FSTL5: variants seen among roughly 807,000 people sequenced by gnomAD.
FSTL5 encodes the protein follistatin like 5, also known as follistatin-related protein 5.
FSTL5 carries 62 observed loss-of-function variants against 89.1 expected under a neutral mutation model. That is an observed-to-expected ratio of 0.70 (90% CI 0.57 to 0.86). FSTL5 has a LOEUF of 0.86. Ranked by LOEUF, FSTL5 falls within the 40% of genes least tolerant of loss-of-function variation. FSTL5 has a pLI of 0.00. For synonymous variants in FSTL5, 383 were observed against 346.2 expected (o/e 1.11, Z -1.18); for missense variants, 1,057 against 1,001.6 (o/e 1.06, Z -0.75).
chr4:161,624,561 T>A (rs1356002030), intron 7 of FSTL5, among the ~76,000 whole-genome samples: 6 of 151,962 alleles, frequency 3.9e-5, no homozygotes, highest in East Asian at 1.9e-4. Flanking sequence ...GTACATTTTT[T>A]AATTATAATA....
At position 162,019,437 on chromosome 4, in the gene FSTL5, G is replaced by T. The variant is rs529406340; in HGVS notation, c.160+14188C>A. On this transcript the variant is annotated intron_variant, in intron 3 of 15. Coordinates refer to ENST00000306100, the MANE Select transcript of FSTL5 (RefSeq NM_020116.5). Reference sequence around the variant, plus strand: ...TTCTGGATTATACCTTATAAAAAATGACTGAAAGAGAATATATTTCCTATT... The same window carrying T: ...TTCTGGATTATACCTTATAAAAAATTACTGAAAGAGAATATATTTCCTATT... Among the ~76,000 whole-genome samples the T allele has an allele frequency of 2.0e-5, 3 of 151,978 alleles. No homozygotes were observed. In the East Asian group the frequency reaches 5.8e-4, roughly 29 times the overall value.
rs780530409 is a variant in FSTL5, at chr4:161,616,892, G to A, written c.895-29317C>T. On this transcript the variant is annotated intron_variant, in intron 7 of 15. Coordinates refer to ENST00000306100, the MANE Select transcript of FSTL5 (RefSeq NM_020116.5). ...AAAATAAAAAAACAAAAAGAAACCA[G>A]AGTAACTATAACGTATAATTCTTAT... 4.3e-4 allele frequency among the ~76,000 whole-genome samples: 64 copies of A among 150,520 alleles called. No individual in the cohort carries two copies. In the Middle Eastern group the frequency reaches 0.01, roughly 24 times the overall value.
At chr4:161,569,698 C>A (rs2126583447) in intron 8 of FSTL5, among the ~76,000 whole-genome samples, 1 of 151,502 alleles carries the variant, frequency 6.6e-6, no homozygotes, top group South Asian at 2.1e-4. Flanking sequence ...AAGAGGACAT[C>A]TTGGAGGACA....
chr4:162,045,517 A>T (rs1738136170), intron 2 of FSTL5, among the ~76,000 whole-genome samples: 1 of 152,154 alleles, frequency 6.6e-6, no homozygotes, highest in African/African-American at 2.4e-5. Context: ...TGTAATAATT[A>T]AAAATTTTTA....
intron 2 of FSTL5, among the ~76,000 whole-genome samples, chr4:162,062,430 A>G (rs1176063790): frequency 1.3e-5 from 2 of 151,870 alleles, no homozygotes; most frequent in Non-Finnish European, 2.9e-5. Flanking sequence ...CTGAAAATAA[A>G]TTAAAATAAG....
At chr4:161,881,340 A>G (rs115679674) in intron 4 of FSTL5, among the ~76,000 whole-genome samples, 2,152 of 151,880 alleles carry the variant, frequency 0.014, 21 homozygotes, top group Non-Finnish European at 0.022. Flanking sequence ...TAGATACTAC[A>G]GTTGTATCAA....
chr4:161,664,147 C>A (rs1270023772), intron 6 of FSTL5, among the ~76,000 whole-genome samples: 1 of 152,174 alleles, frequency 6.6e-6, no homozygotes. Context: ...GTCTCTGACA[C>A]GGCCTGAAGA....
At chr4:162,130,879 A>G (rs944139241) in intron 1 of FSTL5, among the ~76,000 whole-genome samples, 1 of 152,120 alleles carries the variant, frequency 6.6e-6, no homozygotes, top group African/African-American at 2.4e-5. Flanking sequence ...TTAAATGTTA[A>G]CTTTATCAAT....
chr4:161,635,292 G>A (rs368419062), intron 7 of FSTL5, among the ~76,000 whole-genome samples: 2 of 152,130 alleles, frequency 1.3e-5, no homozygotes, highest in South Asian at 4.1e-4. Context: ...AGAAGGCTGA[G>A]GCAGAGAATT....
chr4:161,992,900 GTGTGTATATATA>G (rs56199998), intron 3 of FSTL5, among the ~76,000 whole-genome samples: 40,754 of 72,934 alleles, frequency 0.56, 10,370 homozygotes, highest in Non-Finnish European at 0.66. Flanking sequence ...ATATATATGT[GTGTGTATATATA>G]TATATATATA....
intron 15 of FSTL5, among the ~76,000 whole-genome samples, chr4:161,418,574 A>T (rs1578958398): frequency 6.6e-6 from 1 of 152,192 alleles, no homozygotes; most frequent in Non-Finnish European, 1.5e-5. Flanking sequence ...TTATATTGCT[A>T]TTTTCTATTA....
chr4:161,519,505 G>A (rs1367757042), intron 10 of FSTL5, among the ~76,000 whole-genome samples: 3 of 151,918 alleles, frequency 2.0e-5, no homozygotes, highest in Admixed American at 6.6e-5. Context: ...CAGCCTGGGC[G>A]ACAGAGCAAG....
chr4:161,815,386 GGAGA>G (rs375980381), intron 4 of FSTL5, among the ~76,000 whole-genome samples: 6 of 151,424 alleles, frequency 4.0e-5, no homozygotes, highest in Non-Finnish European at 7.4e-5. Context: ...ATATCCACTT[GGAGA>G]GAGAGAGAGA....
intron 3 of FSTL5, among the ~76,000 whole-genome samples, chr4:161,973,669 G>A (rs947915717): frequency 9.2e-5 from 14 of 152,152 alleles, no homozygotes; most frequent in African/African-American, 2.9e-4. Flanking sequence ...TCCCACTTGC[G>A]GTGATGTTAG....
At chr4:161,619,118 G>A (rs1448830931) in intron 7 of FSTL5, among the ~76,000 whole-genome samples, 7 of 152,116 alleles carry the variant, frequency 4.6e-5, no homozygotes, top group Non-Finnish European at 1.0e-4. Flanking sequence ...AAATGGTGCT[G>A]GGAAAACTGG....
Position 161,591,382 on chromosome 4 carries a change from C to A in FSTL5, c.895-3807G>T, listed in dbSNP as rs569658414. Among the ~76,000 whole-genome samples, 5 of 152,286 alleles carry A rather than the reference C, an allele frequency of 3.3e-5. No homozygotes were observed. The South Asian group carries it at 1.0e-3, about 32-fold the overall frequency. ...GGGATGAAAATATTCTAAACTTCGACAGCCATGATGGCTGCACAATTTTGC... is the reference window on the plus strand; with the variant it reads ...GGGATGAAAATATTCTAAACTTCGAAAGCCATGATGGCTGCACAATTTTGC... On this transcript the variant is annotated intron_variant, in intron 7 of 15. Coordinates refer to ENST00000306100, the MANE Select transcript of FSTL5 (RefSeq NM_020116.5).
intron 6 of FSTL5, among the ~76,000 whole-genome samples, chr4:161,680,495 C>A (rs990135432): frequency 1.3e-5 from 2 of 151,866 alleles, no homozygotes; most frequent in Non-Finnish European, 2.9e-5. Flanking sequence ...AAAGTGACAA[C>A]AACTTTAACT....
chr4:161,611,894 G>A (rs1734667679), intron 7 of FSTL5, among the ~76,000 whole-genome samples: 1 of 152,190 alleles, frequency 6.6e-6, no homozygotes, highest in Non-Finnish European at 1.5e-5. Flanking sequence ...GGTCAGAGCT[G>A]CTGTAGTTAA....
At chr4:161,520,153 A>T (rs1730975051) in intron 10 of FSTL5, among the ~76,000 whole-genome samples, 1 of 152,022 alleles carries the variant, frequency 6.6e-6, no homozygotes, top group Admixed American at 6.6e-5. Flanking sequence ...CTACTTAGAT[A>T]TTAATTAGCA....
Sources: allele counts gnomAD v4.1 joint callset (sites outside exome capture counted in the v4.1 genomes callset), GRCh38; gene constraint gnomAD v4.1.1; transcripts MANE v1.5; gene names NCBI Gene and HGNC (gene_info 2026-07-23, HGNC 2026-07-21).